Variants in FANCM observed in about 807,000 individuals in gnomAD.
The protein encoded by FANCM is Fanconi anemia group M protein.
In FANCM, 140 loss-of-function variants were observed where a neutral mutation model predicts 199.5. That is an observed-to-expected ratio of 0.70 (90% CI 0.61 to 0.81). FANCM has a LOEUF of 0.81. Among genes scored for constraint, FANCM ranks in the 30% least tolerant of loss-of-function variants. The pLI, the probability that FANCM is intolerant of heterozygous loss-of-function variation, is 0.00. For missense variants in FANCM, 2,410 were observed against 2,421.4 expected (o/e 1.00, Z 0.10); for synonymous variants, 840 against 836.8 (o/e 1.00, Z -0.07).
chr14:45,151,509 A>G lies in FANCM; in HGVS notation c.1031A>G (p.Asn344Ser), dbSNP rs754308697. The change falls in exon 5 of 23, where the codon AAC (asparagine) becomes AGC (serine). Residue 344 changes from asparagine (N) to serine (S), a missense_variant. Coordinates refer to ENST00000267430, the MANE Select transcript of FANCM (RefSeq NM_020937.4). ...CTGGCAAGAGATCAGTTTAGGAAAAACCCATCTCCGAATATTGTGGTAGGT... is the reference window on the plus strand; with the variant it reads ...CTGGCAAGAGATCAGTTTAGGAAAAGCCCATCTCCGAATATTGTGGTAGGT... Reference protein sequence around the residue: ...IILARDQFRKNPSPNIVGIQQ... With the variant: ...IILARDQFRKSPSPNIVGIQQ... 1 of 1,612,782 alleles carries G rather than the reference A, an allele frequency of 6.2e-7. No homozygotes were observed. The highest frequency in any genetic ancestry group is 1.7e-5 in the Admixed American group (1 of 60,010).
rs548622939 is a variant in FANCM at position 45,183,761 on chromosome 14, C to T, written c.4387-13C>T. On this transcript the variant is annotated splice_polypyrimidine_tract_variant and intron_variant, in intron 16 of 22. Coordinates refer to ENST00000267430, the MANE Select transcript of FANCM (RefSeq NM_020937.4). ...TTTTTTTCTTATGCAAGAATTTTGT[C>T]GAATTATTATAGTCAGAATTATCAT... is the stretch of plus-strand genomic sequence containing the variant. 18 of 1,597,098 alleles carry T rather than the reference C, an allele frequency of 1.1e-5. No homozygotes were observed. The Admixed American group carries it at 2.4e-4, about 21-fold the overall frequency.
intron 3 of FANCM, 33 bp downstream of exon 3, chr14:45,140,742 A>G (rs538082318): frequency 8.1e-6 from 11 of 1,358,398 alleles, no homozygotes; most frequent in Non-Finnish European, 1.2e-5. Context: ...TATTACAGTT[A>G]AGAAAATAAA....
In FANCM at chr14:45,176,437, T is replaced by C. The variant is rs1566765698; in HGVS notation, c.3683T>C (p.Phe1228Ser). 5.0e-6 allele frequency: 8 copies of C among 1,613,090 alleles called. No homozygotes were observed. The highest frequency in any genetic ancestry group is 6.8e-6 in the Non-Finnish European group (8 of 1,179,866). ...ATTTTTGATTGCTCTAGGGATTTAT[T>C]TTCTGTTACCTTTGATTTAGGATTC... The part of the protein sequence containing the change: ...EDIFDCSRDL[F>S]SVTFDLGFCS... Residue 1228 changes from phenylalanine to serine, a missense_variant, in exon 14 of 23, where the codon TTT (phenylalanine) becomes TCT (serine). Phe to Ser is a radical substitution (Grantham distance 155, BLOSUM62 -2). Coordinates refer to ENST00000267430, the MANE Select transcript of FANCM (RefSeq NM_020937.4).
intron 18 of FANCM, 133 bp from the exon 19 acceptor site, chr14:45,187,648 A>T: frequency 1.7e-6 from 1 of 585,722 alleles, no homozygotes; most frequent in Admixed American, 3.1e-5. Flanking sequence ...ATCTTTTAAT[A>T]TTTATTGTCT....
intron 9 of FANCM, among the ~76,000 whole-genome samples, chr14:45,163,881 CTT>C (rs1887773836): frequency 1.3e-5 from 2 of 152,156 alleles, no homozygotes; most frequent in South Asian, 4.1e-4. Context: ...ACCATAATCT[CTT>C]TTGGCTTATA....
chr14:45,169,962 T>C (rs1194267335), intron 11 of FANCM, among the ~76,000 whole-genome samples: 3 of 152,204 alleles, frequency 2.0e-5, no homozygotes, highest in Non-Finnish European at 2.9e-5. Flanking sequence ...TCTTGGCCTT[T>C]CCTGCCCACT....
chr14:45,156,141 A>G (rs1594774559), intron 8 of FANCM, among the ~76,000 whole-genome samples: 1 of 152,234 alleles, frequency 6.6e-6, no homozygotes, highest in Admixed American at 6.5e-5. Flanking sequence ...TAAAGTGATG[A>G]TGGAGATAAG....
At chr14:45,159,442 T>C (rs1887430095) in intron 9 of FANCM, among the ~76,000 whole-genome samples, 162 bp downstream of exon 9, 1 of 152,070 alleles carries the variant, frequency 6.6e-6, no homozygotes, top group Non-Finnish European at 1.5e-5. Context: ...TGATAACAAA[T>C]GTTTTATGTG....
chr14:45,186,282 G>C (rs1889396770), intron 18 of FANCM, among the ~76,000 whole-genome samples: 1 of 152,204 alleles, frequency 6.6e-6, no homozygotes. Context: ...ATTTAGTGAT[G>C]TAGATTGTTA....
Position 45,151,116 on chromosome 14 carries a change from G to A in FANCM, c.919-281G>A, listed in dbSNP as rs77415294. Among the ~76,000 whole-genome samples, 4,335 of 152,324 alleles carry A rather than the reference G, an allele frequency of 0.028. 220 individuals are homozygous for A. Among genetic ancestry groups the A allele is most frequent in the African/African-American group, 0.098 (4,090 of 41,554 alleles). ...TACTTACACTTAGATTATAGTGTGT[G>A]TAGGTTGAGAGAGAGAGGAGTTAAG... is the stretch of plus-strand genomic sequence containing the variant. On this transcript the variant is annotated intron_variant, in intron 4 of 22. Transcript: ENST00000267430.
intron 3 of FANCM, among the ~76,000 whole-genome samples, chr14:45,141,287 CAAA>C (rs534567010): frequency 1.1e-4 from 5 of 45,062 alleles, no homozygotes; most frequent in Admixed American, 2.3e-4. Context: ...GGCTCCGTCT[CAAA>C]AAAAAAAAAA....
intron 9 of FANCM, among the ~76,000 whole-genome samples, chr14:45,160,968 C>A (rs1214546084): frequency 6.6e-6 from 1 of 151,808 alleles, no homozygotes; most frequent in East Asian, 1.9e-4. Flanking sequence ...TCAGATTATA[C>A]ATATTTTTAA....
intron 21 of FANCM, 84 bp from the exon 22 acceptor site, chr14:45,198,560 G>GTCGCCGTAT: frequency 2.2e-6 from 2 of 902,144 alleles, no homozygotes; most frequent in South Asian, 1.9e-5. Flanking sequence ...GTAGATCTTG[G>GTCGCCGTAT]GATTTTAATA....
chr14:45,175,735 T>C lies in FANCM; in HGVS notation c.2981T>C (p.Leu994Ser). ...KEVLANVERF[L>S]SYSPPPLSGL... ...GTACTAGCTAATGTAGAGAGATTTTTATCTTATTCTCCTCCGCCTCTCAGT... is the reference window on the plus strand; with the variant it reads ...GTACTAGCTAATGTAGAGAGATTTTCATCTTATTCTCCTCCGCCTCTCAGT... The change falls in exon 14 of 23, where the codon TTA becomes TCA. Residue 994 changes from leucine to serine, a missense_variant. Physicochemically the swap from Leu to Ser is moderately radical, Grantham distance 145. Transcript: ENST00000267430. 1 of 1,613,924 alleles carries C rather than the reference T, an allele frequency of 6.2e-7. No individual in the cohort carries two copies.
intron 8 of FANCM, among the ~76,000 whole-genome samples, chr14:45,156,496 A>G (rs1887197057): frequency 6.6e-6 from 1 of 152,212 alleles, no homozygotes; most frequent in Non-Finnish European, 1.5e-5. Context: ...GTCTTGGATG[A>G]TGACACATAA....
Position 45,155,383 on chromosome 14 carries a change from T to C in FANCM, c.1320T>C (p.Asn440=), listed in dbSNP as rs751305974. The C allele has an allele frequency of 1.5e-6, 2 of 1,369,370 alleles. No homozygotes were observed. The highest frequency in any genetic ancestry group is 2.1e-6 in the Non-Finnish European group (2 of 961,822). 84.8% of individuals were successfully genotyped at this position (1,369,370 alleles called of 1,614,324 possible). A position where few individuals can be genotyped will look rare whatever the true frequency, so the allele number is the denominator to read the frequency against. Residue 440 remains asparagine (N), a synonymous_variant, in exon 8 of 23, where the codon AAT becomes AAC. Coordinates refer to ENST00000267430, the MANE Select transcript of FANCM (RefSeq NM_020937.4). ...TTTGTTTTGTTCCAGGAGATAAAAA[T>C]AAAAAATTTGTTTATAGTCATCCAA... ...GISAIQQGDK[N]KKFVYSHPKL...
rs756205207 is a variant in FANCM, at chr14:45,170,552, TAA to T, written c.2003-33_2003-32del. ...TGGGTTTTTTTGCTTTGCAGATTTT[TAA>T]AAAGTCTCTTTTCCATTATTTTTTC... On this transcript the variant is annotated intron_variant, in intron 11 of 22. Coordinates refer to ENST00000267430, the MANE Select transcript of FANCM (RefSeq NM_020937.4). 3.3e-5 allele frequency: 50 copies of T among 1,517,394 alleles called. No individual in the cohort carries two copies. In the South Asian group the frequency reaches 4.9e-4, roughly 15 times the overall value. The allele number at this position is 1,517,394 out of a possible 1,614,324, so 94.0% of individuals were successfully genotyped here.
rs569326153 is a variant in FANCM, at chr14:45,179,155, C to T, written c.4222+2179C>T. Among the ~76,000 whole-genome samples, 14 of 152,100 alleles carry T rather than the reference C, an allele frequency of 9.2e-5. No homozygotes were observed. The East Asian group carries it at 1.5e-3, about 17-fold the overall frequency. On this transcript the variant is annotated intron_variant, in intron 14 of 22. Coordinates refer to ENST00000267430, the MANE Select transcript of FANCM (RefSeq NM_020937.4). ...CAGAGGTTCCAGTGAGCCGAGATCG[C>T]GCCACTGTACTCCAGCCTGGGCAAC...
At chr14:45,160,105 A>G (rs1284966909) in intron 9 of FANCM, among the ~76,000 whole-genome samples, 2 of 150,450 alleles carry the variant, frequency 1.3e-5, no homozygotes, top group Non-Finnish European at 3.0e-5. Context: ...GGTTCAAGCA[A>G]TTCTCCTGCC....
Sources: gnomAD v4.1 joint callset for allele counts (sites outside exome capture counted in the v4.1 genomes callset) on GRCh38, gnomAD v4.1.1 for gene constraint, MANE v1.5 for transcripts, NCBI Gene and HGNC (gene_info 2026-07-23, HGNC 2026-07-21) for gene names.